The following NSUN2 variants were observed in gnomAD, a reference collection of about 807,000 sequenced individuals.
NSUN2 encodes the protein NOP2/Sun RNA methyltransferase 2, also known as RNA cytosine C(5)-methyltransferase NSUN2.
In NSUN2, 63 loss-of-function variants were observed where a neutral mutation model predicts 92.7. The ratio of observed to expected loss-of-function variants is 0.68; its 90% confidence interval spans 0.56 to 0.84. NSUN2 has a LOEUF of 0.84. Ranked by LOEUF, NSUN2 falls within the 40% of genes least tolerant of loss-of-function variation. The pLI is 0.00. For missense variants in NSUN2, 989 were observed against 964.9 expected, an observed-to-expected ratio of 1.02 and a Z score of -0.33; for synonymous variants, 356 against 348.3, an observed-to-expected ratio of 1.02 and a Z score of -0.25.
chr5:6,624,668 G>C (rs548567315), intron 4 of NSUN2, among the ~76,000 whole-genome samples: 46 of 152,296 alleles, frequency 3.0e-4, no homozygotes, highest in African/African-American at 1.1e-3. Flanking sequence ...GCAGCACTTA[G>C]TTCCTGGTTC....
At chr5:6,624,701 A>C (rs1254691260) in intron 4 of NSUN2, among the ~76,000 whole-genome samples, 1 of 152,196 alleles carries the variant, frequency 6.6e-6, no homozygotes. Flanking sequence ...AGGAAGGAAA[A>C]GCCAGGCAGA....
rs189157965 is a variant in NSUN2, at chr5:6,625,676, A to G, written c.360-7T>C. ...GGCAAGTTCTTCAGGATACCTGACC[A>G]AAAAGAAAGCAAAACATTTATGGAT... On this transcript the variant is annotated splice_polypyrimidine_tract_variant and splice_region_variant and intron_variant, in intron 3 of 18. Coordinates refer to ENST00000264670, the MANE Select transcript of NSUN2 (RefSeq NM_017755.6). The G allele has an allele frequency of 1.6e-5, 25 of 1,600,218 alleles. No homozygotes were observed. In the Middle Eastern group the frequency reaches 5.0e-4, roughly 32 times the overall value.
intron 3 of NSUN2, among the ~76,000 whole-genome samples, chr5:6,630,793 T>C (rs1737849550): frequency 6.6e-6 from 1 of 152,152 alleles, no homozygotes; most frequent in African/African-American, 2.4e-5. Context: ...CCTCAAAAGT[T>C]GATGCAAAAC....
rs773171299 is a variant in NSUN2, at chr5:6,631,914, C to T, written c.318G>A (p.Glu106=). Residue 106 remains glutamate, a synonymous_variant, in exon 3 of 19, where the codon GAG becomes GAA. Transcript: ENST00000264670. ...GAACTTCAACTTTCTGACCGTCCAC[C>T]TCCAGGTCCTCCAATTCCTTAAAAT... is the stretch of plus-strand genomic sequence containing the variant. The part of the protein sequence containing the change: ...NKYFKELEDL[E]VDGQKVEVPQ... 6.2e-7 allele frequency: 1 copy of T among 1,614,158 alleles called. No homozygotes were observed. Among genetic ancestry groups the T allele is most frequent in the Non-Finnish European group, 8.5e-7 (1 of 1,180,004 alleles).
In NSUN2 at chr5:6,604,197, T is replaced by C. The variant is rs1736665959; in HGVS notation, c.1898A>G (p.Gln633Arg). Reference sequence around the variant, plus strand: ...GAGTTTTCTAAAAAAGGGATTTTCCTGGGTCAACAGTATCTTAACATCTTC... The same window carrying C: ...GAGTTTTCTAAAAAAGGGATTTTCCCGGGTCAACAGTATCTTAACATCTTC... ...SMEDVKILLT[Q>R]ENPFFRKLSS... Residue 633 changes from glutamine (Q) to arginine (R), a missense_variant, in exon 17 of 19, where the codon CAG becomes CGG. Coordinates refer to ENST00000264670, the MANE Select transcript of NSUN2 (RefSeq NM_017755.6). 2 of 1,613,832 alleles carry C rather than the reference T, an allele frequency of 1.2e-6. No homozygotes were observed. The highest frequency in any genetic ancestry group is 1.7e-6 in the Non-Finnish European group (2 of 1,179,726).
chr5:6,632,890 G>C lies in NSUN2; in HGVS notation c.90C>G (p.Gly30=). 1 of 1,531,270 alleles carries C rather than the reference G, an allele frequency of 6.5e-7. No individual in the cohort carries two copies. The highest frequency in any genetic ancestry group is 8.7e-7 in the Non-Finnish European group (1 of 1,144,196). The allele number at this position is 1,531,270 out of a possible 1,614,324, so 94.9% of individuals were successfully genotyped here. A position where few individuals can be genotyped will look rare whatever the true frequency, so the allele number is the denominator to read the frequency against. Residue 30 remains glycine (G), a synonymous_variant, in exon 1 of 19, where the codon GGC becomes GGG. Transcript: ENST00000264670. ...GCCGGGTCCCGGCTCCTACCGCCTC[G>C]CCGCGCTTTCCACCACCCTCGGCGC... ...EDGAEGGGKR[G]EAGWEGGYPE...
chr5:6,617,208 A>T (rs1432987722), intron 8 of NSUN2, among the ~76,000 whole-genome samples: 2 of 152,218 alleles, frequency 1.3e-5, no homozygotes, highest in Non-Finnish European at 2.9e-5. Context: ...AAAAATTGGT[A>T]TCATACATTC....
chr5:6,620,147 C>T lies in NSUN2; in HGVS notation c.774G>A (p.Glu258=). ...ATAAAATTCGATCATAGAAGAGGAT[C>T]TCTTTCCTGCCGTCCACATCTATCT... ...RLQIDVDGRK[E]ILFYDRILCD... Residue 258 remains glutamate, a synonymous_variant, in exon 7 of 19, where the codon GAG becomes GAA. Transcript: ENST00000264670. The T allele has an allele frequency of 1.2e-6, 2 of 1,607,482 alleles. No individual in the cohort carries two copies. The highest frequency in any genetic ancestry group is 2.2e-5 in the South Asian group (2 of 89,916).
In NSUN2 at chr5:6,600,241, G is replaced by T. The variant is rs1177880008; in HGVS notation, c.1998-9C>A. On this transcript the variant is annotated splice_polypyrimidine_tract_variant and intron_variant, in intron 18 of 18. Transcript: ENST00000264670. ...GCAGAGCGTCTGGATTCCTACAAGT[G>T]AAAGTGGCTTCATGTAGAACATTAA... 1 of 1,609,118 alleles carries T rather than the reference G, an allele frequency of 6.2e-7. No individual in the cohort carries two copies. Among genetic ancestry groups the T allele is most frequent in the Non-Finnish European group, 8.5e-7 (1 of 1,176,468 alleles).
At chr5:6,601,386 G>A (rs937431333) in intron 18 of NSUN2, among the ~76,000 whole-genome samples, 2 of 151,962 alleles carry the variant, frequency 1.3e-5, no homozygotes, top group Admixed American at 6.6e-5. Context: ...GCTCCTGCCC[G>A]TTCACCATCC....
chr5:6,600,340 C>T lies in NSUN2; in HGVS notation c.1998-108G>A, dbSNP rs1242496623. ...AAAGAAAACCACAGAAAACCCATAC[C>T]CACAAAACCCCCAAAACTACTGGGA... On this transcript the variant is annotated intron_variant, in intron 18 of 18. Transcript: ENST00000264670. 3 of 996,816 alleles carry T rather than the reference C, an allele frequency of 3.0e-6. No individual in the cohort carries two copies. The African/African-American group carries it at 4.9e-5, about 16-fold the overall frequency. The allele number at this position is 996,816 out of a possible 1,614,324, so 61.7% of individuals were successfully genotyped here.
At chr5:6,607,442 G>A (rs545911129) in intron 12 of NSUN2, 58 bp from the exon 13 acceptor site, 26 of 1,466,304 alleles carry the variant, frequency 1.8e-5, no homozygotes, top group African/African-American at 5.6e-5. Context: ...GTGCTGCTAC[G>A]AAAAGTTAAA....
intron 3 of NSUN2, among the ~76,000 whole-genome samples, chr5:6,628,062 A>G (rs1737723970): frequency 6.6e-6 from 1 of 152,226 alleles, no homozygotes; most frequent in Admixed American, 6.5e-5. Flanking sequence ...AAAAGCACGT[A>G]ACAGGCGAGG....
intron 6 of NSUN2, chr5:6,620,613 G>T (rs1159445534): frequency 9.6e-6 from 2 of 207,850 alleles, no homozygotes; most frequent in Non-Finnish European, 1.9e-5. Flanking sequence ...AAAAAGATGA[G>T]GAGAAAGGTG....
At position 6,609,875 on chromosome 5, in the gene NSUN2, G is replaced by T. The variant is rs1276933137; in HGVS notation, c.1274C>A (p.Ala425Glu). ...CATTGAAGATTTTTTCACCAATACT[G>T]CCACAAAAAACCCTCCAGTATTCTG... ...HHQNTGGFFV[A>E]VLVKKSSMPW... The change falls in exon 12 of 19, where the codon GCA becomes GAA. Residue 425 changes from alanine (A) to glutamate (E), a missense_variant. Coordinates refer to ENST00000264670, the MANE Select transcript of NSUN2 (RefSeq NM_017755.6). The T allele has an allele frequency of 6.2e-7, 1 of 1,613,574 alleles. No individual in the cohort carries two copies. The highest frequency in any genetic ancestry group is 8.5e-7 in the Non-Finnish European group (1 of 1,179,802).
rs773900983 is a variant in NSUN2 at position 6,607,239 on chromosome 5, T to C, written c.1469A>G (p.Asp490Gly). 3 of 1,614,104 alleles carry C rather than the reference T, an allele frequency of 1.9e-6. No homozygotes were observed. The highest frequency in any genetic ancestry group is 2.5e-6 in the Non-Finnish European group (3 of 1,180,048). The change falls in exon 13 of 19, where the codon GAT (aspartate) becomes GGT (glycine). Residue 490 changes from aspartate (D) to glycine (G), a missense_variant. Coordinates refer to ENST00000264670, the MANE Select transcript of NSUN2 (RefSeq NM_017755.6). ...GDTEIAHATE[D>G]LENNGSKKDG... is the part of the protein sequence containing the mutation. Reference sequence around the variant, plus strand: ...TTTCTTACTGCCATTATTCTCTAAATCCTCAGTTGCATGAGCTATTTCTGT... The same window carrying C: ...TTTCTTACTGCCATTATTCTCTAAACCCTCAGTTGCATGAGCTATTTCTGT...
intron 4 of NSUN2, 104 bp downstream of exon 4, chr5:6,625,460 G>A (rs1737618375): frequency 1.3e-6 from 1 of 757,352 alleles, no homozygotes; most frequent in African/African-American, 1.7e-5. Context: ...TGTGTGTGAT[G>A]TCCACCTACT....
intron 11 of NSUN2, 47 bp downstream of exon 11, chr5:6,610,908 G>T: frequency 6.2e-7 from 1 of 1,608,712 alleles, no homozygotes; most frequent in Non-Finnish European, 8.5e-7. Context: ...CCAGGGATGG[G>T]GCTTAACCTT....
At chr5:6,601,370 C>T (rs1339506668) in intron 18 of NSUN2, among the ~76,000 whole-genome samples, 1 of 152,140 alleles carries the variant, frequency 6.6e-6, no homozygotes, top group Admixed American at 6.5e-5. Flanking sequence ...CCATCAATCA[C>T]TAGATGCTCC....
Sources: gnomAD v4.1 joint callset for allele counts (sites outside exome capture counted in the v4.1 genomes callset) on GRCh38, gnomAD v4.1.1 for gene constraint, MANE v1.5 for transcripts, NCBI Gene and HGNC (gene_info 2026-07-23, HGNC 2026-07-21) for gene names.